ZFAND3: variants seen among roughly 807,000 people sequenced by gnomAD.
ZFAND3 encodes zinc finger AN1-type containing 3.
ZFAND3 carries 10 observed loss-of-function variants against 29.6 expected under a neutral mutation model. The ratio of observed to expected loss-of-function variants is 0.34; its 90% CI spans 0.21 to 0.57. The LOEUF (loss-of-function observed/expected upper bound fraction) is 0.57, where lower values mean the gene tolerates loss of function less well. Ranked by LOEUF, ZFAND3 falls within the 20% of genes least tolerant of loss-of-function variation. The probability of loss-of-function intolerance (pLI) is 0.86; values close to 1 mark genes in which losing one functional copy is unlikely to be tolerated. For missense variants in ZFAND3, 230 were observed against 304.5 expected, an observed-to-expected ratio of 0.76 and a Z score of 1.82; for synonymous variants, 128 against 112.6, an observed-to-expected ratio of 1.14 and a Z score of -0.87.
At chr6:37,906,700 G>T (rs1266453617) in intron 1 of ZFAND3, among the ~76,000 whole-genome samples, 7 of 143,962 alleles carry the variant, frequency 4.9e-5, no homozygotes, top group African/African-American at 5.1e-5. Context: ...CTTACTTTCT[G>T]TTTTTTTTTT....
chr6:38,017,707 A>G (rs1190681284), intron 2 of ZFAND3, among the ~76,000 whole-genome samples: 1 of 152,174 alleles, frequency 6.6e-6, no homozygotes, highest in African/African-American at 2.4e-5. Flanking sequence ...CATTAAAAAA[A>G]AAAAGAATCA....
chr6:37,841,622 T>G (rs1258661064), intron 1 of ZFAND3, among the ~76,000 whole-genome samples: 3 of 152,154 alleles, frequency 2.0e-5, no homozygotes, highest in African/African-American at 7.2e-5. Flanking sequence ...TAGCTGGGGC[T>G]ACAGGGCCTG....
At chr6:37,986,646 T>A (rs535158885) in intron 2 of ZFAND3, among the ~76,000 whole-genome samples, 66 of 152,282 alleles carry the variant, frequency 4.3e-4, no homozygotes, top group African/African-American at 1.2e-3. Context: ...TTAAAATCAT[T>A]TATGTATTTA....
intron 1 of ZFAND3, among the ~76,000 whole-genome samples, chr6:37,825,085 T>C (rs1763734390): frequency 1.3e-5 from 2 of 152,236 alleles, no homozygotes; most frequent in Non-Finnish European, 2.9e-5. Context: ...TCACCTTTGT[T>C]ACTGTCACTG....
intron 2 of ZFAND3, among the ~76,000 whole-genome samples, chr6:37,972,860 T>C (rs1762413765): frequency 6.6e-6 from 1 of 152,188 alleles, no homozygotes; most frequent in Admixed American, 6.5e-5. Flanking sequence ...AAACAAGTGC[T>C]GTGAAGTCAA....
chr6:38,051,354 A>G (rs1320649359), intron 2 of ZFAND3, among the ~76,000 whole-genome samples: 1 of 152,170 alleles, frequency 6.6e-6, no homozygotes, highest in South Asian at 2.1e-4. Context: ...TGTTTTTGCT[A>G]ATTTATTCCC....
Position 37,891,040 on chromosome 6 carries a change from A to T in ZFAND3, c.72-38919A>T, listed in dbSNP as rs1263026926. On this transcript the variant is annotated intron_variant, in intron 1 of 5. Coordinates refer to ENST00000287218, the MANE Select transcript of ZFAND3 (RefSeq NM_021943.3). ...TAACTAAATGTTTTCATCACCACAC[A>T]CACACAACAACCCTGTATGTTTTAG... Among the ~76,000 whole-genome samples the T allele has an allele frequency of 3.9e-5, 6 of 152,282 alleles. No individual in the cohort carries two copies. The East Asian group carries it at 1.2e-3, about 29-fold the overall frequency.
At chr6:37,983,139 T>C (rs1210652258) in intron 2 of ZFAND3, among the ~76,000 whole-genome samples, 1 of 152,058 alleles carries the variant, frequency 6.6e-6, no homozygotes, top group Non-Finnish European at 1.5e-5. Flanking sequence ...TTTTATAATA[T>C]AAAAGTTACA....
chr6:37,819,961 A>G lies in ZFAND3; in HGVS notation c.16A>G (p.Ser6Gly). The G allele has an allele frequency of 8.2e-7, 1 of 1,218,766 alleles. No homozygotes were observed. 75.5% of individuals were successfully genotyped at this position (1,218,766 alleles called of 1,614,324 possible). A position where few individuals can be genotyped will look rare whatever the true frequency, so the allele number is the denominator to read the frequency against. MGDAGSERSKAPSLPP... is the reference protein window; with the variant it reads MGDAGGERSKAPSLPP... ...GCCGAGCACCATGGGAGACGCTGGG[A>G]GCGAGCGCAGCAAAGCGCCCAGCCT... Residue 6 changes from serine to glycine, a missense_variant, in exon 1 of 6, where the codon AGC becomes GGC. Transcript: ENST00000287218.
rs898314448 is a variant in ZFAND3, at chr6:37,846,016, C to T, written c.71+26000C>T. Among the ~76,000 whole-genome samples the T allele has an allele frequency of 5.9e-5, 9 of 152,340 alleles. No homozygotes were observed. The East Asian group carries it at 1.7e-3, about 29-fold the overall frequency. On this transcript the variant is annotated intron_variant, in intron 1 of 5. Coordinates refer to ENST00000287218, the MANE Select transcript of ZFAND3 (RefSeq NM_021943.3). The stretch of plus-strand genomic sequence containing the variant: ...AAGTGTTCTCTCATCTCTACCTCAG[C>T]TCTTAGAATTGCTCTGTGACCCAGG...
chr6:37,958,002 T>C (rs1445079007), intron 2 of ZFAND3, among the ~76,000 whole-genome samples: 1 of 152,180 alleles, frequency 6.6e-6, no homozygotes, highest in Non-Finnish European at 1.5e-5. Context: ...ATGAGATCAA[T>C]AACAAAGGTA....
At chr6:37,997,118 C>G (rs1762864073) in intron 2 of ZFAND3, among the ~76,000 whole-genome samples, 1 of 152,056 alleles carries the variant, frequency 6.6e-6, no homozygotes, top group South Asian at 2.1e-4. Context: ...GTGTTATATT[C>G]CTTGTAAAGT....
At chr6:37,890,579 T>C (rs1765077388) in intron 1 of ZFAND3, among the ~76,000 whole-genome samples, 1 of 152,240 alleles carries the variant, frequency 6.6e-6, no homozygotes, top group Non-Finnish European at 1.5e-5. Flanking sequence ...ATTTCACAAA[T>C]ATATAGTGGA....
intron 5 of ZFAND3, among the ~76,000 whole-genome samples, chr6:38,120,617 C>T (rs1007986424): frequency 3.9e-5 from 6 of 152,114 alleles, no homozygotes; most frequent in Admixed American, 2.0e-4. Context: ...TGATCCACCA[C>T]GCCCGGCCTT....
At chr6:38,097,769 C>G (rs982679204) in intron 4 of ZFAND3, among the ~76,000 whole-genome samples, 4 of 152,104 alleles carry the variant, frequency 2.6e-5, no homozygotes, top group Non-Finnish European at 5.9e-5. Flanking sequence ...TGAAATGAGA[C>G]TGAAGAGAAA....
At chr6:38,061,855 A>G in intron 3 of ZFAND3, 80 bp downstream of exon 3, 1 of 1,478,016 alleles carries the variant, frequency 6.8e-7, no homozygotes, top group Non-Finnish European at 9.1e-7. Context: ...GCCTGACCCC[A>G]GAAAAAACAG....
At chr6:38,044,014 T>C (rs769636998) in intron 2 of ZFAND3, among the ~76,000 whole-genome samples, 25 of 152,102 alleles carry the variant, frequency 1.6e-4, no homozygotes, top group Admixed American at 4.6e-4. Context: ...TATTTTTAAA[T>C]GACACAATAA....
intron 1 of ZFAND3, among the ~76,000 whole-genome samples, chr6:37,875,953 A>G (rs1293212726): frequency 1.3e-5 from 2 of 152,042 alleles, no homozygotes; most frequent in African/African-American, 4.8e-5. Flanking sequence ...TTACAGGCCC[A>G]GCAGTAATTT....
Position 37,985,815 on chromosome 6 carries a change from A to G in ZFAND3, c.112+55816A>G, listed in dbSNP as rs144971812. ...AGGAGAATTAAGTTAGAAGAGGTAG[A>G]TGAGACAGGAGAGGCAGATGTTTGT... On this transcript the variant is annotated intron_variant, in intron 2 of 5. Transcript: ENST00000287218. Among the ~76,000 whole-genome samples the G allele has an allele frequency of 3.8e-3, 577 of 152,380 alleles. 2 individuals are homozygous for G. Among genetic ancestry groups the G allele is most frequent in the Middle Eastern group, 0.014 (4 of 294 alleles).
Sources: gnomAD v4.1 joint callset for allele counts (sites outside exome capture counted in the v4.1 genomes callset) on GRCh38, gnomAD v4.1.1 for gene constraint, MANE v1.5 for transcripts, NCBI Gene and HGNC (gene_info 2026-07-23, HGNC 2026-07-21) for gene names.